Variants in DNM2 observed in about 807,000 individuals in gnomAD.
DNM2 encodes the protein dynamin 2.
In DNM2, 15 loss-of-function variants were observed where a neutral mutation model predicts 99.0. The ratio of observed to expected loss-of-function variants is 0.15; its 90% CI spans 0.10 to 0.23. DNM2 has a LOEUF of 0.23. Among genes scored for constraint, DNM2 ranks in the 10% least tolerant of loss-of-function variants. DNM2 has a pLI of 1.00. For missense variants in DNM2, 742 were observed against 1,189.4 expected (o/e 0.62, Z 5.53); for synonymous variants, 525 against 481.2 (o/e 1.09, Z -1.19).
chr19:10,813,430 G>A (rs1599605071), intron 15 of DNM2, among the ~76,000 whole-genome samples: 1 of 152,334 alleles, frequency 6.6e-6, no homozygotes, highest in East Asian at 1.9e-4. Flanking sequence ...GATGTACAGA[G>A]TATGTAATGA....
intron 1 of DNM2, among the ~76,000 whole-genome samples, chr19:10,728,582 A>G (rs557463859): frequency 2.0e-5 from 3 of 152,150 alleles, no homozygotes; most frequent in South Asian, 4.2e-4. Flanking sequence ...GTAAGCAGCA[A>G]CCACTCTACA....
chr19:10,786,479 G>A, intron 6 of DNM2, 85 bp from the exon 7 acceptor site: 1 of 1,603,212 alleles, frequency 6.2e-7, no homozygotes, highest in Non-Finnish European at 8.5e-7. Context: ...CCCTGGTGTT[G>A]GCCCTTGGTT....
intron 2 of DNM2, among the ~76,000 whole-genome samples, chr19:10,760,827 A>ATCTTTTTTTTTTTTTTTTTTTTTTTT (rs1663854487): frequency 2.4e-5 from 1 of 41,260 alleles, no homozygotes; most frequent in African/African-American, 9.4e-5. Context: ...CACCCAGCTG[A>ATCTTTTTTTTTTTTTTTTTTTTTTTT]TTTTTTTTTT....
intron 11 of DNM2, 44 bp downstream of exon 11, chr19:10,798,616 G>A: frequency 5.0e-6 from 8 of 1,607,350 alleles, no homozygotes; most frequent in Non-Finnish European, 6.8e-6. Context: ...TTTACATGCA[G>A]TAAATGTCAA....
At chr19:10,825,706 G>A (rs980754552) in intron 18 of DNM2, among the ~76,000 whole-genome samples, 10 of 149,294 alleles carry the variant, frequency 6.7e-5, no homozygotes, top group Non-Finnish European at 1.3e-4. Flanking sequence ...AATACAAAAA[G>A]TAGCCGGGCA....
At chr19:10,754,385 T>C (rs1363413898) in intron 1 of DNM2, among the ~76,000 whole-genome samples, 2 of 151,176 alleles carry the variant, frequency 1.3e-5, no homozygotes, top group East Asian at 3.9e-4. Context: ...CCTGAGTAGC[T>C]GGGACTACAG....
intron 6 of DNM2, 176 bp from the exon 7 acceptor site, chr19:10,786,388 C>A: frequency 9.3e-7 from 1 of 1,078,190 alleles, no homozygotes; most frequent in Non-Finnish European, 1.4e-6. Context: ...CGTCTCCGTT[C>A]CCAGACATGA....
intron 2 of DNM2, among the ~76,000 whole-genome samples, chr19:10,760,783 C>T (rs1038441102): frequency 7.2e-5 from 10 of 138,552 alleles, no homozygotes; most frequent in African/African-American, 2.7e-4. Flanking sequence ...ATCAGCCTCT[C>T]GGGTAGCTAG....
At chr19:10,784,860 G>T (rs1247142539) in intron 6 of DNM2, among the ~76,000 whole-genome samples, 11 of 105,262 alleles carry the variant, frequency 1.0e-4, no homozygotes, top group Admixed American at 4.5e-4. Context: ...GCCTCACTCT[G>T]TTGCCCGGGC....
At chr19:10,786,522 T>A in intron 6 of DNM2, 42 bp from the exon 7 acceptor site, 1 of 1,613,220 alleles carries the variant, frequency 6.2e-7, no homozygotes, top group Admixed American at 1.7e-5. Context: ...CCTGGTATCC[T>A]GCCCATGCCA....
At chr19:10,801,605 C>CAAAA (rs34520425) in intron 11 of DNM2, among the ~76,000 whole-genome samples, 1 of 56,616 alleles carries the variant, frequency 1.8e-5, no homozygotes, top group Non-Finnish European at 3.9e-5. Flanking sequence ...GTTCTTTTCT[C>CAAAA]AAAAAAAAAA....
At chr19:10,798,873 G>T (rs751409498) in intron 11 of DNM2, among the ~76,000 whole-genome samples, 10 of 152,056 alleles carry the variant, frequency 6.6e-5, no homozygotes, top group Admixed American at 2.0e-4. Flanking sequence ...GATACAGAGC[G>T]GTTCCGTCAC....
rs542861216 is a variant in DNM2, at chr19:10,774,323, A to T, written c.386-1380A>T. ...TAGCAAGACCCTCTATCTTAAAAAA[A>T]ATGTGTAAGCAAAAAACATGTAAGC... On this transcript the variant is annotated intron_variant, in intron 3 of 20. Coordinates refer to ENST00000389253, the MANE Select transcript of DNM2 (RefSeq NM_001005361.3). Among the ~76,000 whole-genome samples the T allele has an allele frequency of 8.5e-5, 13 of 152,356 alleles. No homozygotes were observed. In the South Asian group the frequency reaches 2.7e-3, roughly 32 times the overall value.
chr19:10,727,234 A>G (rs2069144161), intron 1 of DNM2, among the ~76,000 whole-genome samples: 1 of 152,184 alleles, frequency 6.6e-6, no homozygotes, highest in African/African-American at 2.4e-5. Context: ...TTATTGACGG[A>G]TAACAGCCCT....
chr19:10,824,848 T>C, intron 17 of DNM2: 1 of 680,752 alleles, frequency 1.5e-6, no homozygotes, highest in Non-Finnish European at 2.5e-6. Context: ...AATGCCCAGG[T>C]GAGGGGATCC....
In DNM2 at chr19:10,829,008, C is replaced by G. The variant is rs776929341; in HGVS notation, c.2059-28C>G. 2.5e-6 allele frequency: 4 copies of G among 1,604,044 alleles called. No individual in the cohort carries two copies. The Admixed American group carries it at 6.8e-5, about 27-fold the overall frequency. On this transcript the variant is annotated intron_variant, in intron 18 of 20. Coordinates refer to ENST00000389253, the MANE Select transcript of DNM2 (RefSeq NM_001005361.3). The stretch of plus-strand genomic sequence containing the variant: ...GTTCTGGGTTGGGGTGATACACAAG[C>G]CTGACCCTCCCCAACCCCTGCCCGC...
At chr19:10,788,588 A>G (rs2071646348) in intron 7 of DNM2, among the ~76,000 whole-genome samples, 1 of 152,206 alleles carries the variant, frequency 6.6e-6, no homozygotes. Context: ...GGTGGGAGCC[A>G]GACCTTGGCT....
chr19:10,726,770 G>GC (rs1289485479), intron 1 of DNM2, among the ~76,000 whole-genome samples: 1 of 151,958 alleles, frequency 6.6e-6, no homozygotes, highest in African/African-American at 2.4e-5. Flanking sequence ...AGGCTGAGGC[G>GC]GAGAATCGCT....
At chr19:10,783,692 TATTATTA>T (rs2071453938) in intron 6 of DNM2, among the ~76,000 whole-genome samples, 1 of 135,000 alleles carries the variant, frequency 7.4e-6, no homozygotes, top group South Asian at 2.3e-4. Flanking sequence ...TTATTATTAT[TATTATTA>T]TTATTATTTT....
Sources: allele counts gnomAD v4.1 joint callset (sites outside exome capture counted in the v4.1 genomes callset), GRCh38; gene constraint gnomAD v4.1.1; transcripts MANE v1.5; gene names NCBI Gene and HGNC (gene_info 2026-07-23, HGNC 2026-07-21).